Variants in MPHOSPH9 observed in about 807,000 individuals in gnomAD.
MPHOSPH9 encodes M-phase phosphoprotein 9.
Under a neutral mutation model 145.5 loss-of-function variants are expected in MPHOSPH9, and 88 were observed. The ratio of observed to expected loss-of-function variants is 0.60; its 90% CI spans 0.51 to 0.72. The LOEUF is 0.72. MPHOSPH9 is among the 30% of genes least tolerant of loss of function. The pLI is 0.00. For missense variants in MPHOSPH9, 1,238 were observed against 1,386.6 expected (o/e 0.89, Z 1.70); for synonymous variants, 435 against 486.2 (o/e 0.89, Z 1.39).
Position 123,188,158 on chromosome 12 carries a change from T to TTTATG in MPHOSPH9, c.2241+6227_2241+6228insCATAA, listed in dbSNP as rs559677050. Among the ~76,000 whole-genome samples, 9 of 152,164 alleles carry TTTATG rather than the reference T, an allele frequency of 5.9e-5. No individual in the cohort carries two copies. The South Asian group carries it at 1.9e-3, about 32-fold the overall frequency. On this transcript the variant is annotated intron_variant, in intron 13 of 23. Transcript: ENST00000606320. The stretch of plus-strand genomic sequence containing the variant: ...AAACAAACAAAAAACACCCAAAACT[T>TTTATG]GTATCCCATAAAAATACCAAAAGAA...
intron 15 of MPHOSPH9, among the ~76,000 whole-genome samples, chr12:123,177,138 C>A (rs550407962): frequency 2.6e-4 from 40 of 151,946 alleles, no homozygotes; most frequent in African/African-American, 9.7e-4. Context: ...TGCAGTGAGC[C>A]GAGATCGCAC....
intron 16 of MPHOSPH9, among the ~76,000 whole-genome samples, chr12:123,171,765 C>CA (rs1283356195): frequency 6.7e-6 from 1 of 149,622 alleles, no homozygotes; most frequent in Non-Finnish European, 1.5e-5. Flanking sequence ...AACAAACAAA[C>CA]AAACAAAAAA....
rs2044020306 is a variant in MPHOSPH9, at chr12:123,159,600, T to C, written c.3450+1181A>G. ...AAACATCCTGGGTTACAACTTGACATATATCCAAATCCTTAGAAATTTGCA... is the reference window on the plus strand; with the variant it reads ...AAACATCCTGGGTTACAACTTGACACATATCCAAATCCTTAGAAATTTGCA... On this transcript the variant is annotated intron_variant, in intron 23 of 23. Transcript: ENST00000606320. The surrounding 1 kb of genome is among the most constrained non-coding windows in gnomAD (Gnocchi z 4.3). The C allele has an allele frequency of 6.6e-6, 1 of 152,172 alleles. No homozygotes were observed. Among genetic ancestry groups the C allele is most frequent in the Non-Finnish European group, 1.5e-5 (1 of 68,038 alleles). 9.4% of individuals were successfully genotyped at this position (152,172 alleles called of 1,614,324 possible).
At chr12:123,232,027 G>T (rs1327295910) in intron 1 of MPHOSPH9, among the ~76,000 whole-genome samples, 1 of 151,018 alleles carries the variant, frequency 6.6e-6, no homozygotes, top group Non-Finnish European at 1.5e-5. Context: ...AGGAGTGAAT[G>T]CAAAGGGTAA....
intron 13 of MPHOSPH9, among the ~76,000 whole-genome samples, chr12:123,190,809 C>G (rs1288994269): frequency 2.0e-5 from 3 of 152,192 alleles, no homozygotes; most frequent in African/African-American, 7.2e-5. Flanking sequence ...GAATAGAAGA[C>G]AGTGTTTCAC....
intron 13 of MPHOSPH9, among the ~76,000 whole-genome samples, chr12:123,188,777 G>A (rs1313040798): frequency 6.6e-6 from 1 of 152,234 alleles, no homozygotes; most frequent in Non-Finnish European, 1.5e-5. Context: ...GAACCTGGGA[G>A]GCAGAGGTTG....
At chr12:123,180,670 G>C (rs1036947000) in intron 14 of MPHOSPH9, among the ~76,000 whole-genome samples, 2 of 152,092 alleles carry the variant, frequency 1.3e-5, no homozygotes, top group African/African-American at 2.4e-5. Flanking sequence ...GTCAGGAACT[G>C]GAGACCAGCC....
chr12:123,192,989 T>C (rs2045758076), intron 13 of MPHOSPH9, among the ~76,000 whole-genome samples: 1 of 149,160 alleles, frequency 6.7e-6, no homozygotes, highest in Admixed American at 6.8e-5. Context: ...GGAGAATTGC[T>C]TGAACCTGGG....
At chr12:123,160,527 A>C (rs1315431622) in intron 23 of MPHOSPH9, 2 of 408,802 alleles carry the variant, frequency 4.9e-6, no homozygotes, top group Admixed American at 8.2e-5. Context: ...CTCTCAAGTT[A>C]GTTTCTTGAA....
In MPHOSPH9 at chr12:123,202,328, G is replaced by A. The variant is rs774510617; in HGVS notation, c.1782-9C>T. On this transcript the variant is annotated splice_polypyrimidine_tract_variant and intron_variant, in intron 10 of 23. Coordinates refer to ENST00000606320, the MANE Select transcript of MPHOSPH9 (RefSeq NM_022782.4). The stretch of plus-strand genomic sequence containing the variant: ...TCAGATTCTGCCTAATCCTTATTCA[G>A]TGAGAATAAAAAATATATATTAGGA... 1 of 1,576,416 alleles carries A rather than the reference G, an allele frequency of 6.3e-7. No individual in the cohort carries two copies. Among genetic ancestry groups the A allele is most frequent in the Non-Finnish European group, 8.6e-7 (1 of 1,167,400 alleles).
chr12:123,203,437 A>G, intron 8 of MPHOSPH9, 62 bp from the exon 9 acceptor site: 13 of 1,401,858 alleles, frequency 9.3e-6, no homozygotes, highest in Non-Finnish European at 1.3e-5. Context: ...AATGATATCA[A>G]AATAAGCACC....
At chr12:123,183,335 G>A (rs2045278939) in intron 13 of MPHOSPH9, among the ~76,000 whole-genome samples, 1 of 151,844 alleles carries the variant, frequency 6.6e-6, no homozygotes, top group Non-Finnish European at 1.5e-5. Flanking sequence ...ATCATCTGAG[G>A]TCAGGAGTTC....
intron 13 of MPHOSPH9, among the ~76,000 whole-genome samples, chr12:123,193,658 C>T (rs1565932638): frequency 1.3e-5 from 2 of 151,994 alleles, no homozygotes; most frequent in Non-Finnish European, 2.9e-5. Flanking sequence ...AATAAGCAAC[C>T]TGAAACCTAA....
intron 11 of MPHOSPH9, 60 bp downstream of exon 11, chr12:123,202,104 T>G: frequency 6.8e-7 from 1 of 1,461,344 alleles, no homozygotes; most frequent in Non-Finnish European, 9.2e-7. Flanking sequence ...CACATTATAC[T>G]TCTGTGAAAA....
upstream of MPHOSPH9, among the ~76,000 whole-genome samples, chr12:123,237,370 C>T (rs1295704191): frequency 6.6e-6 from 1 of 152,146 alleles, no homozygotes; most frequent in Non-Finnish European, 1.5e-5. Context: ...GCAGAGGTTG[C>T]AGTGAGCCAA....
intron 13 of MPHOSPH9, among the ~76,000 whole-genome samples, chr12:123,186,842 C>A (rs2045464748): frequency 6.6e-6 from 1 of 151,972 alleles, no homozygotes; most frequent in African/African-American, 2.4e-5. Flanking sequence ...GCGCCTGTAA[C>A]CCCAGCTACT....
Position 123,161,331 on chromosome 12 carries a change from G to A in MPHOSPH9, c.3186C>T (p.Cys1062=), listed in dbSNP as rs1389723519. 1.2e-6 allele frequency: 2 copies of A among 1,613,974 alleles called. No individual in the cohort carries two copies. Among genetic ancestry groups the A allele is most frequent in the Non-Finnish European group, 1.7e-6 (2 of 1,179,964 alleles). Residue 1062 remains cysteine, a synonymous_variant, in exon 22 of 24, where the codon TGC becomes TGT. Transcript: ENST00000606320. ...TCACTCCATTTGGCACCGGTTCAGGGCAAGAGCTATGATTAACATGGTTAT... is the reference window on the plus strand; with the variant it reads ...TCACTCCATTTGGCACCGGTTCAGGACAAGAGCTATGATTAACATGGTTAT... ...ATDNHVNHSS[C]PEPVPNGVKK...
At chr12:123,204,380 C>A (rs974547008) in intron 8 of MPHOSPH9, among the ~76,000 whole-genome samples, 5 of 151,798 alleles carry the variant, frequency 3.3e-5, no homozygotes, top group African/African-American at 1.2e-4. Context: ...AAATTAATTT[C>A]ATATGGCTGA....
intron 8 of MPHOSPH9, among the ~76,000 whole-genome samples, chr12:123,208,954 G>A (rs188501971): frequency 2.6e-5 from 4 of 152,084 alleles, no homozygotes; most frequent in Admixed American, 2.6e-4. Context: ...TTTTGCTGAG[G>A]CGGAGTCTCG....
Sources: allele counts gnomAD v4.1 joint callset (sites outside exome capture counted in the v4.1 genomes callset), GRCh38; gene constraint gnomAD v4.1.1; non-coding constraint Gnocchi (gnomAD v3.1); transcripts MANE v1.5; gene names NCBI Gene and HGNC (gene_info 2026-07-23, HGNC 2026-07-21).